FMNL2: variants seen among roughly 807,000 people sequenced by gnomAD.
The protein encoded by FMNL2 is formin like 2.
FMNL2 carries 51 observed loss-of-function variants against 130.2 expected under a neutral mutation model. The observed-to-expected ratio is 0.39, with a 90% CI of 0.31 to 0.49. FMNL2 has a LOEUF of 0.49. Among genes scored for constraint, FMNL2 ranks in the 20% least tolerant of loss-of-function variants. The pLI is 0.85. For missense variants in FMNL2, 977 were observed against 1,316.2 expected (o/e 0.74, Z 3.99); for synonymous variants, 465 against 467.1 (o/e 1.00, Z 0.06).
intron 6 of FMNL2, among the ~76,000 whole-genome samples, chr2:152,568,234 G>GTTTTTGTTTTTTTTTTA (rs1695972012): frequency 3.6e-5 from 1 of 27,560 alleles, no homozygotes; most frequent in Non-Finnish European, 8.2e-5. Flanking sequence ...TTTTTTTTTT[G>GTTTTTGTTTTTTTTTTA]AGACGGAGTC....
intron 1 of FMNL2, among the ~76,000 whole-genome samples, chr2:152,337,710 G>T (rs1215283757): frequency 6.6e-6 from 1 of 152,134 alleles, no homozygotes; most frequent in Non-Finnish European, 1.5e-5. Flanking sequence ...CAGGGTTGTT[G>T]TGGCTACTTT....
At chr2:152,383,273 C>CTTTTTT (rs35206829) in intron 1 of FMNL2, among the ~76,000 whole-genome samples, 2,372 of 96,548 alleles carry the variant, frequency 0.025, 2 homozygotes, top group Non-Finnish European at 0.035. Context: ...TCCGTTAATC[C>CTTTTTT]TTTTTTTTTT....
At chr2:152,488,693 C>T (rs1690975937) in intron 1 of FMNL2, among the ~76,000 whole-genome samples, 1 of 152,110 alleles carries the variant, frequency 6.6e-6, no homozygotes, top group African/African-American at 2.4e-5. Context: ...AATTAATTTG[C>T]CTCCAAAACT....
At chr2:152,639,588 C>T (rs1682909716) in intron 23 of FMNL2, among the ~76,000 whole-genome samples, 1 of 152,158 alleles carries the variant, frequency 6.6e-6, no homozygotes, top group African/African-American at 2.4e-5. Flanking sequence ...AATCTTAGAT[C>T]CTGCTATCAG....
At chr2:152,638,000 G>C (rs114994013) in intron 23 of FMNL2, among the ~76,000 whole-genome samples, 2,038 of 152,330 alleles carry the variant, frequency 0.013, 44 homozygotes, top group African/African-American at 0.045. Context: ...GCCTCTTGTG[G>C]AATTCTTTAA....
chr2:152,511,028 G>A (rs1692473398), intron 1 of FMNL2, among the ~76,000 whole-genome samples: 1 of 152,044 alleles, frequency 6.6e-6, no homozygotes, highest in Non-Finnish European at 1.5e-5. Context: ...ATAACTTCAG[G>A]TATCTGAGTC....
intron 2 of FMNL2, chr2:152,539,296 A>G (rs1040366797): frequency 6.5e-6 from 1 of 154,874 alleles, no homozygotes; most frequent in Non-Finnish European, 1.4e-5. Flanking sequence ...ATCCTCTTGC[A>G]AAAAGCACTC....
At position 152,632,163 on chromosome 2, in the gene FMNL2, C is replaced by A. The variant is rs755508847; in HGVS notation, c.2680+26C>A. On this transcript the variant is annotated intron_variant, in intron 21 of 25. Transcript: ENST00000288670. Reference sequence around the variant, plus strand: ...GTACTTGATTTCAGCTATTACCGTTCGTCTTGGGTATTTAATGCCTTTAAT... The same window carrying A: ...GTACTTGATTTCAGCTATTACCGTTAGTCTTGGGTATTTAATGCCTTTAAT... 4 of 1,600,552 alleles carry A rather than the reference C, an allele frequency of 2.5e-6. No homozygotes were observed. In the South Asian group the frequency reaches 4.5e-5, roughly 18 times the overall value.
chr2:152,469,064 C>T (rs1305313324), intron 1 of FMNL2, among the ~76,000 whole-genome samples: 2 of 152,218 alleles, frequency 1.3e-5, no homozygotes, highest in South Asian at 2.1e-4. Flanking sequence ...GCCAATTACT[C>T]TTGTTCAGAT....
chr2:152,458,094 T>C (rs1689052466), intron 1 of FMNL2, among the ~76,000 whole-genome samples: 1 of 152,216 alleles, frequency 6.6e-6, no homozygotes, highest in South Asian at 2.1e-4. Flanking sequence ...ATTCATAGGT[T>C]CTGGGGATTG....
chr2:152,529,744 T>C (rs62180831), intron 2 of FMNL2, among the ~76,000 whole-genome samples: 26,342 of 152,112 alleles, frequency 0.17, 2,819 homozygotes, highest in Non-Finnish European at 0.25. Context: ...AATGCTGGCC[T>C]ACCCTACAGA....
chr2:152,598,048 C>A lies in FMNL2; in HGVS notation c.877-9291C>A, dbSNP rs114311137. On this transcript the variant is annotated intron_variant, in intron 9 of 25. Transcript: ENST00000288670. Reference sequence around the variant, plus strand: ...CAAGGTCTCTGCATTCATGGCACACCATGCACTGATTAGATTTGTAGTGAT... The same window carrying A: ...CAAGGTCTCTGCATTCATGGCACACAATGCACTGATTAGATTTGTAGTGAT... 7.6e-3 allele frequency among the ~76,000 whole-genome samples: 1,156 copies of A among 152,312 alleles called. 16 individuals carry two copies. The highest frequency in any genetic ancestry group is 0.026 in the African/African-American group (1,065 of 41,574).
chr2:152,545,615 T>G (rs929471714), intron 3 of FMNL2, among the ~76,000 whole-genome samples: 3 of 152,164 alleles, frequency 2.0e-5, no homozygotes, highest in African/African-American at 7.2e-5. Flanking sequence ...GCTGCAGTTG[T>G]GAGATGAAAC....
chr2:152,603,946 C>A (rs897944882), intron 9 of FMNL2, among the ~76,000 whole-genome samples: 1 of 150,910 alleles, frequency 6.6e-6, no homozygotes, highest in Non-Finnish European at 1.5e-5. Flanking sequence ...GCCATTGGTT[C>A]CCAGATGCTG....
At chr2:152,352,882 C>T (rs559248591) in intron 1 of FMNL2, among the ~76,000 whole-genome samples, 2 of 152,016 alleles carry the variant, frequency 1.3e-5, no homozygotes, top group Non-Finnish European at 2.9e-5. Context: ...AGTGATAACC[C>T]ATAGACTTGG....
chr2:152,352,480 A>G (rs1321107258), intron 1 of FMNL2, among the ~76,000 whole-genome samples: 6 of 152,234 alleles, frequency 3.9e-5, no homozygotes, highest in Non-Finnish European at 7.3e-5. Context: ...CAATGCAAAA[A>G]TATTATGTAA....
chr2:152,611,448 A>C, intron 10 of FMNL2, 47 bp from the exon 11 acceptor site: 1 of 1,100,480 alleles, frequency 9.1e-7, no homozygotes. Context: ...AGTTAAACTG[A>C]GAAAAAAGTT....
At chr2:152,582,868 C>T (rs1301623318) in intron 9 of FMNL2, among the ~76,000 whole-genome samples, 1 of 152,058 alleles carries the variant, frequency 6.6e-6, no homozygotes, top group East Asian at 1.9e-4. Flanking sequence ...TATAATGACT[C>T]ATATTATAAC....
chr2:152,487,365 G>A (rs1050867527), intron 1 of FMNL2, among the ~76,000 whole-genome samples: 10 of 152,142 alleles, frequency 6.6e-5, no homozygotes, highest in African/African-American at 2.4e-4. Flanking sequence ...TTGAACATAG[G>A]TAGGGAACTT....
Sources: gnomAD v4.1 joint callset for allele counts (sites outside exome capture counted in the v4.1 genomes callset) on GRCh38, gnomAD v4.1.1 for gene constraint, MANE v1.5 for transcripts, NCBI Gene and HGNC (gene_info 2026-07-23, HGNC 2026-07-21) for gene names.